VPS26A: variants seen among roughly 807,000 people sequenced by gnomAD.
VPS26A encodes VPS26 retromer complex component A.
Under a neutral mutation model 42.4 loss-of-function variants are expected in VPS26A, and 22 were observed. That is an observed-to-expected ratio of 0.52 (90% CI 0.37 to 0.74). VPS26A has a LOEUF of 0.74. VPS26A is among the 30% of genes least tolerant of loss of function. The pLI, the probability that VPS26A is intolerant of heterozygous loss-of-function variation, is 0.00. For missense variants in VPS26A, 276 were observed against 379.2 expected, an observed-to-expected ratio of 0.73 and a Z score of 2.26; for synonymous variants, 110 against 123.5, an observed-to-expected ratio of 0.89 and a Z score of 0.73.
chr10:69,161,823 A>T, intron 5 of VPS26A: 1 of 274,156 alleles, frequency 3.6e-6, no homozygotes, highest in South Asian at 4.6e-5. Flanking sequence ...CTAGGCCATC[A>T]TGGATGAGGG....
At chr10:69,154,888 C>G (rs529732190) in intron 2 of VPS26A, among the ~76,000 whole-genome samples, 1 of 150,596 alleles carries the variant, frequency 6.6e-6, no homozygotes. Flanking sequence ...TGTGTGCGCG[C>G]ACGCGCACGT....
At chr10:69,125,406 G>A (rs1310800409) in intron 1 of VPS26A, among the ~76,000 whole-genome samples, 1 of 152,250 alleles carries the variant, frequency 6.6e-6, no homozygotes, top group African/African-American at 2.4e-5. Context: ...ACCTGCTCTC[G>A]TAGCTTACAA....
chr10:69,143,938 A>G (rs1386999352), intron 2 of VPS26A, among the ~76,000 whole-genome samples: 2 of 152,052 alleles, frequency 1.3e-5, no homozygotes, highest in Non-Finnish European at 1.5e-5. Flanking sequence ...GGCTAATCTC[A>G]AACTTCTGGG....
chr10:69,173,443 G>A lies in VPS26A; in HGVS notation c.*2174G>A, dbSNP rs570573337. Among the ~76,000 whole-genome samples, 1 of 151,648 alleles carries A rather than the reference G, an allele frequency of 6.6e-6. No individual in the cohort carries two copies. The highest frequency in any genetic ancestry group is 2.4e-5 in the African/African-American group (1 of 41,348). On this transcript the variant is annotated 3_prime_UTR_variant, in exon 9 of 9. Transcript: ENST00000263559. ...CGAGACCAGCCTGGCCAACAAAAAT[G>A]AGACCCTATCTCTACAAAAAAATTA...
chr10:69,153,776 G>C (rs1841372083), intron 2 of VPS26A, among the ~76,000 whole-genome samples: 1 of 152,060 alleles, frequency 6.6e-6, no homozygotes, highest in Non-Finnish European at 1.5e-5. Context: ...TTCGAGACCA[G>C]CCTGGGCAAT....
intron 2 of VPS26A, chr10:69,133,635 C>G (rs1840840240): frequency 7.8e-7 from 1 of 1,278,894 alleles, no homozygotes. Context: ...TTTTCTTTAT[C>G]CGGTAATGTA....
intron 2 of VPS26A, among the ~76,000 whole-genome samples, chr10:69,151,092 C>G (rs916802791): frequency 6.6e-6 from 1 of 151,354 alleles, no homozygotes; most frequent in Admixed American, 6.6e-5. Context: ...GGTGAAACCC[C>G]GTCTCTACTA....
rs1185792362 is a variant in VPS26A, at chr10:69,158,223, T to G, written c.551+12T>G. ...TATAATAAATCAAAGTAAGTATCATTCACAGATAAGTTGTTCAGAGAAAAT... is the reference window on the plus strand; with the variant it reads ...TATAATAAATCAAAGTAAGTATCATGCACAGATAAGTTGTTCAGAGAAAAT... On this transcript the variant is annotated intron_variant, in intron 5 of 8. Transcript: ENST00000263559. 2.6e-6 allele frequency: 4 copies of G among 1,566,084 alleles called. No individual in the cohort carries two copies. The African/African-American group carries it at 5.5e-5, about 22-fold the overall frequency.
In VPS26A at chr10:69,171,549, ATATC is replaced by A. The variant is rs966817236; in HGVS notation, c.*281_*284del. 4 of 249,948 alleles carry A rather than the reference ATATC, an allele frequency of 1.6e-5. No homozygotes were observed. Among genetic ancestry groups the A allele is most frequent in the African/African-American group, 4.6e-5 (2 of 43,496 alleles). The allele number at this position is 249,948 out of a possible 1,614,324, so 15.5% of individuals were successfully genotyped here. A position where few individuals can be genotyped will look rare whatever the true frequency, so the allele number is the denominator to read the frequency against. On this transcript the variant is annotated 3_prime_UTR_variant, in exon 9 of 9. Coordinates refer to ENST00000263559, the MANE Select transcript of VPS26A (RefSeq NM_004896.5). ...ACTTTGATGATAAGCACTCAGATAT[ATATC>A]AGCGTAAACATGAAAAATTTTCATG...
intron 6 of VPS26A, among the ~76,000 whole-genome samples, chr10:69,163,304 C>T (rs925059216): frequency 5.3e-5 from 8 of 152,192 alleles, no homozygotes; most frequent in South Asian, 4.1e-4. Flanking sequence ...CTTTTTGTGG[C>T]GAACAGGGTC....
At chr10:69,153,434 C>T (rs1357436874) in intron 2 of VPS26A, among the ~76,000 whole-genome samples, 2 of 151,958 alleles carry the variant, frequency 1.3e-5, no homozygotes, top group Non-Finnish European at 2.9e-5. Context: ...CCTTCGACCT[C>T]CTAGGGTCAA....
intron 4 of VPS26A, among the ~76,000 whole-genome samples, 156 bp from the exon 5 acceptor site, chr10:69,157,891 A>C (rs974415940): frequency 4.6e-5 from 7 of 152,226 alleles, no homozygotes; most frequent in African/African-American, 1.7e-4. Flanking sequence ...GGCATTAAAG[A>C]AAATTGGAAC....
Position 69,124,198 on chromosome 10 carries a change from C to T in VPS26A, c.-80C>T, listed in dbSNP as rs373023011. ...GGCCCGAGGTCACGTGACGGAGCGC[C>T]GGAGCGGAGGGAGCCGGGGCTGGGA... On this transcript the variant is annotated 5_prime_UTR_variant, in exon 1 of 9. Transcript: ENST00000263559. 114 of 1,259,820 alleles carry T rather than the reference C, an allele frequency of 9.0e-5. No individual in the cohort carries two copies. The East Asian group carries it at 2.6e-3, about 29-fold the overall frequency. 78.0% of individuals were successfully genotyped at this position (1,259,820 alleles called of 1,614,324 possible). A position where few individuals can be genotyped will look rare whatever the true frequency, so the allele number is the denominator to read the frequency against.
Position 69,171,527 on chromosome 10 carries a change from TTGA to T in VPS26A, c.*263_*265del, listed in dbSNP as rs1841816012. ...GCCTTTTTTTTTTTAACTTCCTACT[TTGA>T]TGATAAGCACTCAGATATATATCAG... On this transcript the variant is annotated 3_prime_UTR_variant, in exon 9 of 9. Coordinates refer to ENST00000263559, the MANE Select transcript of VPS26A (RefSeq NM_004896.5). The T allele has an allele frequency of 3.2e-6, 1 of 313,944 alleles. No individual in the cohort carries two copies. Among genetic ancestry groups the T allele is most frequent in the South Asian group, 4.6e-5 (1 of 21,754 alleles). 19.4% of individuals were successfully genotyped at this position (313,944 alleles called of 1,614,324 possible).
chr10:69,157,308 C>A, intron 4 of VPS26A, 145 bp downstream of exon 4: 1 of 1,061,476 alleles, frequency 9.4e-7, no homozygotes, highest in Non-Finnish European at 1.3e-6. Context: ...TTGGCTAATG[C>A]TGATTTGAGG....
At chr10:69,164,997 G>A (rs1225378166) in intron 6 of VPS26A, among the ~76,000 whole-genome samples, 3 of 150,410 alleles carry the variant, frequency 2.0e-5, no homozygotes, top group Non-Finnish European at 3.0e-5. Flanking sequence ...GCGTGATCTC[G>A]GCTCACTGCA....
intron 1 of VPS26A, among the ~76,000 whole-genome samples, chr10:69,128,508 G>A (rs148773178): frequency 1.9e-3 from 284 of 152,100 alleles, no homozygotes; most frequent in African/African-American, 6.3e-3. Flanking sequence ...GGGATTACAC[G>A]CGTGAGCCAC....
chr10:69,149,752 T>G (rs1473186307), intron 2 of VPS26A, among the ~76,000 whole-genome samples: 96 of 132,076 alleles, frequency 7.3e-4, no homozygotes, highest in African/African-American at 2.0e-3. Flanking sequence ...TTTTTTTTTT[T>G]TTTTTTTTTT....
intron 6 of VPS26A, among the ~76,000 whole-genome samples, chr10:69,163,129 A>G (rs1841598501): frequency 6.6e-6 from 1 of 152,200 alleles, no homozygotes; most frequent in Non-Finnish European, 1.5e-5. Flanking sequence ...ATAGTTTTCC[A>G]TTTTATTGAT....
Sources: allele counts gnomAD v4.1 joint callset (sites outside exome capture counted in the v4.1 genomes callset), GRCh38; gene constraint gnomAD v4.1.1; transcripts MANE v1.5; gene names NCBI Gene and HGNC (gene_info 2026-07-23, HGNC 2026-07-21).